SDK1: variants seen among roughly 807,000 people sequenced by gnomAD.
SDK1 encodes sidekick cell adhesion molecule 1.
Under a neutral mutation model 245.5 loss-of-function variants are expected in SDK1, and 157 were observed. The observed-to-expected ratio is 0.64, with a 90% CI of 0.56 to 0.73. The LOEUF (loss-of-function observed/expected upper bound fraction) is 0.73. Ranked by LOEUF, SDK1 falls within the 30% of genes least tolerant of loss-of-function variation. The pLI, the probability that SDK1 is intolerant of heterozygous loss-of-function variation, is 0.00. For synonymous variants in SDK1, 1,647 were observed against 1,278.5 expected, an observed-to-expected ratio of 1.29 and a Z score of -6.15; for missense variants, 3,583 against 3,002.3, an observed-to-expected ratio of 1.19 and a Z score of -4.52.
At chr7:3,390,580 C>T (rs147152159) in intron 1 of SDK1, among the ~76,000 whole-genome samples, 26 of 152,234 alleles carry the variant, frequency 1.7e-4, no homozygotes, top group African/African-American at 3.6e-4. Flanking sequence ...AGGATTAGAC[C>T]GGACTATAAT....
At chr7:3,855,121 A>C (rs1780513413) in intron 5 of SDK1, among the ~76,000 whole-genome samples, 1 of 152,138 alleles carries the variant, frequency 6.6e-6, no homozygotes, top group Non-Finnish European at 1.5e-5. Flanking sequence ...CTGGGAGGAC[A>C]GAAGAGCCCT....
At chr7:4,123,173 G>C (rs1784177838) in intron 25 of SDK1, among the ~76,000 whole-genome samples, 1 of 152,236 alleles carries the variant, frequency 6.6e-6, no homozygotes, top group Admixed American at 6.5e-5. Context: ...AGCAGTTAAA[G>C]ATTACAGAAG....
chr7:4,170,622 G>A (rs675119), intron 32 of SDK1, among the ~76,000 whole-genome samples: 38,759 of 152,006 alleles, frequency 0.25, 6,035 homozygotes, highest in African/African-American at 0.43. Flanking sequence ...AATACTGACC[G>A]GTGCCCACTC....
At chr7:3,577,837 C>T (rs1447012609) in intron 1 of SDK1, among the ~76,000 whole-genome samples, 1 of 151,994 alleles carries the variant, frequency 6.6e-6, no homozygotes, top group East Asian at 1.9e-4. Flanking sequence ...CTAACTTCCT[C>T]ATCTCCTGCA....
intron 1 of SDK1, among the ~76,000 whole-genome samples, chr7:3,441,418 C>G (rs565889275): frequency 4.6e-5 from 7 of 152,208 alleles, no homozygotes; most frequent in East Asian, 1.9e-4. Context: ...AAACCAAAAT[C>G]TCTTTTTGTG....
chr7:3,456,571 ATAACT>A (rs1399942151), intron 1 of SDK1, among the ~76,000 whole-genome samples: 1 of 152,228 alleles, frequency 6.6e-6, no homozygotes, highest in Non-Finnish European at 1.5e-5. Flanking sequence ...TTTTAAAAAA[ATAACT>A]TCTAGTTCTA....
At chr7:3,816,988 A>G (rs959121254) in intron 4 of SDK1, among the ~76,000 whole-genome samples, 3 of 152,130 alleles carry the variant, frequency 2.0e-5, no homozygotes, top group Non-Finnish European at 4.4e-5. Context: ...AAAACTATAG[A>G]CTCAAATTAT....
At chr7:3,367,961 G>C (rs916136077) in intron 1 of SDK1, among the ~76,000 whole-genome samples, 2 of 152,222 alleles carry the variant, frequency 1.3e-5, no homozygotes, top group Admixed American at 1.3e-4. Flanking sequence ...GATGGAGCTT[G>C]ACTCTCTTCC....
At chr7:3,908,059 C>A (rs187977050) in intron 5 of SDK1, among the ~76,000 whole-genome samples, 58 of 152,258 alleles carry the variant, frequency 3.8e-4, no homozygotes, top group African/African-American at 1.4e-3. Flanking sequence ...CTCTTCTCTG[C>A]GGCTTAGCTT....
At chr7:3,356,856 G>C (rs924022014) in intron 1 of SDK1, among the ~76,000 whole-genome samples, 1 of 151,902 alleles carries the variant, frequency 6.6e-6, no homozygotes, top group Non-Finnish European at 1.5e-5. Flanking sequence ...AGGAGTTCAA[G>C]ACCAGCCTGA....
rs577945023 is a variant in SDK1 at position 3,952,794 on chromosome 7, G to A, written c.1150+874G>A. Among the ~76,000 whole-genome samples, 26 of 152,178 alleles carry A rather than the reference G, an allele frequency of 1.7e-4. No homozygotes were observed. In the South Asian group the frequency reaches 4.4e-3, roughly 26 times the overall value. On this transcript the variant is annotated intron_variant, in intron 7 of 44. Transcript: ENST00000404826. The stretch of plus-strand genomic sequence containing the variant: ...AAATTAAGTACACTGGAGTTGCCCA[G>A]CTCTAAATGCTGGAAACTATTAGTG...
intron 5 of SDK1, among the ~76,000 whole-genome samples, chr7:3,824,822 C>T (rs1426701990): frequency 6.6e-6 from 1 of 152,184 alleles, no homozygotes; most frequent in East Asian, 1.9e-4. Flanking sequence ...GAGATGCAGT[C>T]CCATAATGGT....
chr7:3,513,236 T>A (rs572104621), intron 1 of SDK1, among the ~76,000 whole-genome samples: 1 of 152,322 alleles, frequency 6.6e-6, no homozygotes, highest in East Asian at 1.9e-4. Context: ...GGACAGTTCT[T>A]GTTTTATGGG....
At chr7:3,369,511 A>T (rs1445777418) in intron 1 of SDK1, among the ~76,000 whole-genome samples, 1 of 151,678 alleles carries the variant, frequency 6.6e-6, no homozygotes. Flanking sequence ...TTACATACAG[A>T]GTGTTCTGAT....
chr7:4,092,523 C>T (rs1182311949), intron 22 of SDK1, among the ~76,000 whole-genome samples: 2 of 152,164 alleles, frequency 1.3e-5, no homozygotes, highest in Non-Finnish European at 2.9e-5. Flanking sequence ...GAATGGGATG[C>T]AAGACAAACC....
chr7:3,701,365 G>A lies in SDK1; in HGVS notation c.713+59260G>A, dbSNP rs76717987. ...AGTGGACTATGTGTCTATAAAAAGT[G>A]AATTTTTCCCAAATTGATGTATAGG... On this transcript the variant is annotated intron_variant, in intron 4 of 44. Transcript: ENST00000404826. Among the ~76,000 whole-genome samples the A allele has an allele frequency of 1.4e-3, 211 of 152,306 alleles. 6 individuals are homozygous for A. The East Asian group carries it at 0.034, about 25-fold the overall frequency.
intron 42 of SDK1, among the ~76,000 whole-genome samples, chr7:4,239,756 T>C (rs572104289): frequency 3.9e-5 from 6 of 152,326 alleles, no homozygotes; most frequent in African/African-American, 1.4e-4. Flanking sequence ...CCACAACCGC[T>C]GGGCCAGACC....
chr7:3,945,004 C>A (rs1024106255), intron 5 of SDK1, among the ~76,000 whole-genome samples: 3 of 152,142 alleles, frequency 2.0e-5, no homozygotes, highest in Non-Finnish European at 4.4e-5. Context: ...ATCCCAGCTA[C>A]TCAGGAGGCT....
chr7:3,580,132 G>T (rs530686474), intron 1 of SDK1, among the ~76,000 whole-genome samples: 50 of 152,210 alleles, frequency 3.3e-4, no homozygotes, highest in African/African-American at 1.0e-3. Context: ...ACTGTTCAAA[G>T]AAATCAGAGA....
Sources: gnomAD v4.1 joint callset for allele counts (sites outside exome capture counted in the v4.1 genomes callset) on GRCh38, gnomAD v4.1.1 for gene constraint, MANE v1.5 for transcripts, NCBI Gene and HGNC (gene_info 2026-07-23, HGNC 2026-07-21) for gene names.